FMN1: variants seen among roughly 807,000 people sequenced by gnomAD.
FMN1 encodes the protein formin-1.
FMN1 carries 110 observed loss-of-function variants against 132.4 expected under a neutral mutation model. The ratio of observed to expected loss-of-function variants is 0.83; its 90% CI spans 0.71 to 0.97. The LOEUF (loss-of-function observed/expected upper bound fraction) is 0.97. Among genes scored for constraint, FMN1 ranks in the 50% least tolerant of loss-of-function variants. The pLI is 0.00. For missense variants in FMN1, 1,792 were observed against 1,705.3 expected, an observed-to-expected ratio of 1.05 and a Z score of -0.90; for synonymous variants, 722 against 651.7, an observed-to-expected ratio of 1.11 and a Z score of -1.64.
intron 9 of FMN1, among the ~76,000 whole-genome samples, chr15:32,926,465 A>C (rs1019325727): frequency 6.6e-6 from 1 of 152,210 alleles, no homozygotes; most frequent in Non-Finnish European, 1.5e-5. Context: ...CGTTTTACAA[A>C]ACAAACACAC....
intron 16 of FMN1, among the ~76,000 whole-genome samples, chr15:32,874,279 C>G (rs1461928545): frequency 1.3e-5 from 2 of 151,938 alleles, no homozygotes; most frequent in Non-Finnish European, 2.9e-5. Context: ...CCTCGGCCTC[C>G]CAAAGTGCTG....
chr15:33,069,994 T>TC (rs1555393425), intron 5 of FMN1, among the ~76,000 whole-genome samples: 34 of 32,572 alleles, frequency 1.0e-3, no homozygotes, highest in South Asian at 1.9e-3. Flanking sequence ...AGTCTTTCTC[T>TC]TTTTTTTTTT....
chr15:33,024,223 ATTTTTTTTTTTTTTTTTTTTTTTTT>A (rs555760509), intron 6 of FMN1, among the ~76,000 whole-genome samples: 22 of 88,018 alleles, frequency 2.5e-4, no homozygotes, highest in Middle Eastern at 6.3e-3. Flanking sequence ...CACCTATCAG[ATTTTTTTTTTTTTTTTTTTTTTTTT>A]TTTTTTTTTT....
chr15:32,843,221 C>T (rs780261764), intron 17 of FMN1, among the ~76,000 whole-genome samples: 11 of 151,802 alleles, frequency 7.2e-5, no homozygotes, highest in Non-Finnish European at 1.5e-4. Context: ...TTATAGTCTC[C>T]CAGGAGACTA....
rs150402048 is a variant in FMN1, at chr15:32,872,989, G to A, written c.3835+15183C>T. 3.7e-4 allele frequency among the ~76,000 whole-genome samples: 56 copies of A among 152,340 alleles called. No individual in the cohort carries two copies. In the East Asian group the frequency reaches 5.4e-3, roughly 15 times the overall value. Reference sequence around the variant, plus strand: ...TTTAAAACACACAACCTAATCTGGTGGATGAATTCTGGTATCTAGTCTTGG... The same window carrying A: ...TTTAAAACACACAACCTAATCTGGTAGATGAATTCTGGTATCTAGTCTTGG... On this transcript the variant is annotated intron_variant, in intron 16 of 20. Coordinates refer to ENST00000616417, the MANE Select transcript of FMN1 (RefSeq NM_001277313.2).
chr15:32,909,714 G>A (rs905356460), intron 11 of FMN1, among the ~76,000 whole-genome samples: 2 of 152,132 alleles, frequency 1.3e-5, no homozygotes, highest in Non-Finnish European at 2.9e-5. Flanking sequence ...CCAAAACAAT[G>A]AACAATCATG....
intron 4 of FMN1, among the ~76,000 whole-genome samples, chr15:33,120,007 GATT>G (rs542616983): frequency 5.0e-4 from 76 of 152,228 alleles, no homozygotes; most frequent in East Asian, 1.7e-3. Flanking sequence ...CGATGGTAAG[GATT>G]ATTATTATCA....
At position 32,802,669 on chromosome 15, in the gene FMN1, G is replaced by T. The variant is rs141929845; in HGVS notation, c.3980+1612C>A. 8.4e-4 allele frequency among the ~76,000 whole-genome samples: 128 copies of T among 152,246 alleles called. 1 individual carries two copies. In the Middle Eastern group the frequency reaches 0.014, roughly 16 times the overall value. ...CAGCAGTTTCGGCCCCTCCACGCTGGGCCCCCTTTTCCTTCAGCAAGAATC... is the reference window on the plus strand; with the variant it reads ...CAGCAGTTTCGGCCCCTCCACGCTGTGCCCCCTTTTCCTTCAGCAAGAATC... On this transcript the variant is annotated intron_variant, in intron 18 of 20. Coordinates refer to ENST00000616417, the MANE Select transcript of FMN1 (RefSeq NM_001277313.2).
intron 6 of FMN1, among the ~76,000 whole-genome samples, chr15:33,057,804 G>A (rs530439469): frequency 2.6e-5 from 4 of 152,208 alleles, no homozygotes; most frequent in African/African-American, 7.2e-5. Context: ...TTTGGGTTTA[G>A]TTATTTCTCA....
In FMN1 at chr15:32,888,425, T is replaced by C. The variant is rs910602595; in HGVS notation, c.3715-133A>G. The C allele has an allele frequency of 2.0e-5, 14 of 709,840 alleles. No individual in the cohort carries two copies. The African/African-American group carries it at 2.5e-4, about 13-fold the overall frequency. 44.0% of individuals were successfully genotyped at this position (709,840 alleles called of 1,614,324 possible). A position where few individuals can be genotyped will look rare whatever the true frequency, so the allele number is the denominator to read the frequency against. On this transcript the variant is annotated intron_variant, in intron 15 of 20. Coordinates refer to ENST00000616417, the MANE Select transcript of FMN1 (RefSeq NM_001277313.2). ...AGTAAGAATCATAGCAATGCTCCTC[T>C]GCTATTCCTAAATTTGGACTTGTGA...
chr15:32,992,971 G>A (rs915313934), intron 7 of FMN1, among the ~76,000 whole-genome samples: 3 of 152,024 alleles, frequency 2.0e-5, no homozygotes, highest in South Asian at 2.1e-4. Context: ...AACATTTCTC[G>A]CCAAGATTGT....
At chr15:33,063,553 T>C (rs895328695) in intron 6 of FMN1, 55 of 152,230 alleles carry the variant, frequency 3.6e-4, no homozygotes, top group African/African-American at 1.3e-3. Context: ...TAAACTCTCC[T>C]CAAATCACTC....
At chr15:33,067,563 G>A (rs1238447951) in intron 5 of FMN1, 3 of 1,613,900 alleles carry the variant, frequency 1.9e-6, no homozygotes, top group African/African-American at 2.7e-5. Flanking sequence ...TCTTTTCTCT[G>A]ACTTCCCTCT....
intron 16 of FMN1, among the ~76,000 whole-genome samples, chr15:32,867,352 C>G (rs541533856): frequency 6.6e-6 from 1 of 152,234 alleles, no homozygotes; most frequent in Non-Finnish European, 1.5e-5. Context: ...TCACCCTGCT[C>G]TCCCTGCCAC....
At chr15:32,912,805 T>C (rs17816519) in intron 10 of FMN1, among the ~76,000 whole-genome samples, 38,742 of 152,068 alleles carry the variant, frequency 0.25, 5,253 homozygotes, top group Non-Finnish European at 0.31. Flanking sequence ...GATCCTGACA[T>C]GTTAAATTTT....
intron 5 of FMN1, among the ~76,000 whole-genome samples, chr15:33,072,520 G>A (rs1182826541): frequency 2.6e-5 from 4 of 152,220 alleles, no homozygotes; most frequent in African/African-American, 9.6e-5. Flanking sequence ...TGTGAGCATA[G>A]TATTTGTGGA....
At chr15:32,849,986 C>T (rs941616997) in intron 17 of FMN1, among the ~76,000 whole-genome samples, 14 of 152,182 alleles carry the variant, frequency 9.2e-5, no homozygotes, top group Non-Finnish European at 5.9e-5. Flanking sequence ...CCAAGGATTA[C>T]TGTTCTGTTA....
At chr15:33,073,242 C>T (rs2038067537) in intron 5 of FMN1, among the ~76,000 whole-genome samples, 1 of 152,220 alleles carries the variant, frequency 6.6e-6, no homozygotes, top group African/African-American at 2.4e-5. Flanking sequence ...TCGCATCTCA[C>T]TGTTAGGCTA....
At position 32,890,595 on chromosome 15, in the gene FMN1, G is replaced by A. The variant is rs143356385; in HGVS notation, c.3715-2303C>T. ...TGGGAACTGTCCATTCATGTACTTC[G>A]CCGACTTTTTGATGAGATTGTTCTT... On this transcript the variant is annotated intron_variant, in intron 15 of 20. Transcript: ENST00000616417. 2.4e-3 allele frequency among the ~76,000 whole-genome samples: 365 copies of A among 152,162 alleles called. 3 individuals are homozygous for A. Among genetic ancestry groups the A allele is most frequent in the African/African-American group, 8.4e-3 (348 of 41,506 alleles).
Sources: gnomAD v4.1 joint callset for allele counts (sites outside exome capture counted in the v4.1 genomes callset) on GRCh38, gnomAD v4.1.1 for gene constraint, MANE v1.5 for transcripts, NCBI Gene and HGNC (gene_info 2026-07-23, HGNC 2026-07-21) for gene names.